The following NEK2 variants were observed in gnomAD, a reference collection of about 807,000 sequenced individuals.
NEK2 encodes the protein serine/threonine-protein kinase Nek2.
In NEK2, 28 loss-of-function variants were observed where a neutral mutation model predicts 54.1. The observed-to-expected ratio is 0.52, with a 90% CI of 0.38 to 0.71. The LOEUF (loss-of-function observed/expected upper bound fraction) is 0.71, where lower values mean the gene tolerates loss of function less well. Among genes scored for constraint, NEK2 ranks in the 30% least tolerant of loss-of-function variants. The probability of loss-of-function intolerance (pLI) is 0.00; values close to 1 mark genes in which losing one functional copy is unlikely to be tolerated. For missense variants in NEK2, 407 were observed against 531.5 expected (o/e 0.77, Z 2.30); for synonymous variants, 176 against 193.1 (o/e 0.91, Z 0.73).
At chr1:211,661,392 A>G, downstream of NEK2, 1 of 319,410 alleles carries the variant, frequency 3.1e-6, no homozygotes, top group Non-Finnish European at 5.9e-6. Flanking sequence ...GAAAAAAAAC[A>G]AACTTTATTG....
chr1:211,666,248 A>C (rs1241091732), intron 7 of NEK2, among the ~76,000 whole-genome samples: 2 of 152,220 alleles, frequency 1.3e-5, no homozygotes, highest in Non-Finnish European at 2.9e-5. Flanking sequence ...CCAGACTTTA[A>C]ATAAAGAAGG....
chr1:211,665,970 A>G (rs3767375), intron 7 of NEK2, among the ~76,000 whole-genome samples: 37,680 of 152,180 alleles, frequency 0.25, 5,159 homozygotes, highest in East Asian at 0.47. Flanking sequence ...TAAAAACTCT[A>G]AATTTTATTG....
chr1:211,659,782 A>C (rs1303889144), downstream of NEK2, among the ~76,000 whole-genome samples: 1 of 151,614 alleles, frequency 6.6e-6, no homozygotes, highest in African/African-American at 2.4e-5. Flanking sequence ...CCATCTCTTA[A>C]TACATACTGT....
chr1:211,664,847 G>T (rs1053907480), intron 7 of NEK2, among the ~76,000 whole-genome samples: 9 of 152,150 alleles, frequency 5.9e-5, no homozygotes, highest in African/African-American at 1.9e-4. Flanking sequence ...TTTTGTCTGA[G>T]ATGGGGTCTT....
At chr1:211,674,081 G>A (rs1276026286) in intron 2 of NEK2, among the ~76,000 whole-genome samples, 1 of 152,150 alleles carries the variant, frequency 6.6e-6, no homozygotes, top group Non-Finnish European at 1.5e-5. Flanking sequence ...CTCCCAAAGT[G>A]TTGGGATTAC....
At chr1:211,674,569 T>A in intron 1 of NEK2, 56 bp from the exon 2 acceptor site, 3 of 1,329,608 alleles carry the variant, frequency 2.3e-6, no homozygotes, top group Non-Finnish European at 3.1e-6. Context: ...AAACAAAGAA[T>A]GAAAGTTCCA....
chr1:211,666,474 C>T (rs1209815284), intron 7 of NEK2: 2 of 976,704 alleles, frequency 2.0e-6, no homozygotes, highest in African/African-American at 3.5e-5. Context: ...AAATCTGAAA[C>T]ATACAATAGT....
At chr1:211,666,443 G>C in intron 7 of NEK2, 1 of 919,630 alleles carries the variant, frequency 1.1e-6, no homozygotes, top group Non-Finnish European at 1.3e-6. Context: ...ATTTTTACTT[G>C]AAATGCAGTT....
At chr1:211,658,486 C>A, downstream of NEK2, among the ~76,000 whole-genome samples, 1 of 151,278 alleles carries the variant, frequency 6.6e-6, no homozygotes. Context: ...AAGCCATATT[C>A]ATAAAGAAAT....
Position 211,662,866 on chromosome 1 carries a change from A to T in NEK2, c.*560T>A. On this transcript the variant is annotated 3_prime_UTR_variant, in exon 8 of 8. Transcript: ENST00000366999. The surrounding 1 kb of genome is among the most constrained non-coding windows in gnomAD (Gnocchi z 4.2). ...TGTTAAACAGAAAAAAAAAAAGAATACAAACATCACAGTGATGAATTTTCA... is the reference window on the plus strand; with the variant it reads ...TGTTAAACAGAAAAAAAAAAAGAATTCAAACATCACAGTGATGAATTTTCA... 3.0e-6 allele frequency: 3 copies of T among 985,002 alleles called. No homozygotes were observed. Among genetic ancestry groups the T allele is most frequent in the Non-Finnish European group, 3.6e-6 (3 of 829,232 alleles). The allele number at this position is 985,002 out of a possible 1,614,324, so 61.0% of individuals were successfully genotyped here. A position where few individuals can be genotyped will look rare whatever the true frequency, so the allele number is the denominator to read the frequency against.
chr1:211,660,484 A>G (rs1654989864), downstream of NEK2: 1 of 670,720 alleles, frequency 1.5e-6, no homozygotes. Context: ...GGCAGTGCCA[A>G]CTTTGTCAGT....
chr1:211,658,794 A>G (rs1654946568), downstream of NEK2: 2 of 299,804 alleles, frequency 6.7e-6, no homozygotes, highest in East Asian at 1.0e-4. Flanking sequence ...ATGTAAATGC[A>G]TATCCCCATG....
chr1:211,675,243 G>T, intron 1 of NEK2, 141 bp downstream of exon 1: 1 of 733,700 alleles, frequency 1.4e-6, no homozygotes, highest in Non-Finnish European at 2.4e-6. Context: ...CAGGCTGTCA[G>T]ATGCAGACCC....
intron 7 of NEK2, among the ~76,000 whole-genome samples, chr1:211,664,495 A>C (rs1655114738): frequency 6.6e-6 from 1 of 152,200 alleles, no homozygotes; most frequent in Admixed American, 6.5e-5. Context: ...ACGTGCTATT[A>C]GGAAAAATAG....
At chr1:211,668,679 C>T (rs1386467040) in intron 6 of NEK2, among the ~76,000 whole-genome samples, 6 of 152,112 alleles carry the variant, frequency 3.9e-5, no homozygotes, top group Admixed American at 3.9e-4. Context: ...CATCTACATA[C>T]TGTAGGGTTT....
At chr1:211,658,642 C>G (rs1207601544), downstream of NEK2, 2 of 434,200 alleles carry the variant, frequency 4.6e-6, no homozygotes, top group Non-Finnish European at 9.1e-6. Flanking sequence ...ATTACTTGAG[C>G]CTACGAGGCC....
intron 7 of NEK2, chr1:211,666,806 A>G: frequency 1.2e-6 from 1 of 841,730 alleles, no homozygotes; most frequent in Non-Finnish European, 1.5e-6. Flanking sequence ...CTCAAAAAAA[A>G]TAAAAAAATA....
chr1:211,670,657 C>T (rs1655345836), intron 4 of NEK2, among the ~76,000 whole-genome samples: 1 of 152,102 alleles, frequency 6.6e-6, no homozygotes, highest in Non-Finnish European at 1.5e-5. Context: ...TGCCCTCTAC[C>T]CTCTAGATGC....
In NEK2 at chr1:211,673,463, C is replaced by T. The variant is rs756116797; in HGVS notation, c.555+20G>A. On this transcript the variant is annotated intron_variant, in intron 3 of 7. Coordinates refer to ENST00000366999, the MANE Select transcript of NEK2 (RefSeq NM_002497.4). ...AAATAAAAGATGTTTTAAAAAGTAG[C>T]TAAATTCTGAAATACTTACAGGAGA... 6.2e-7 allele frequency: 1 copy of T among 1,607,780 alleles called. No individual in the cohort carries two copies.
Sources: gnomAD v4.1 joint callset for allele counts (sites outside exome capture counted in the v4.1 genomes callset) on GRCh38, gnomAD v4.1.1 for gene constraint, Gnocchi (gnomAD v3.1) non-coding constraint, MANE v1.5 for transcripts, NCBI Gene and HGNC (gene_info 2026-07-23, HGNC 2026-07-21) for gene names.